Variants in CYB5B observed in about 807,000 individuals in gnomAD.
CYB5B encodes cytochrome b5 type B.
Under a neutral mutation model 21.3 loss-of-function variants are expected in CYB5B, and 14 were observed. That is an observed-to-expected ratio of 0.66 (90% CI 0.43 to 1.03). The LOEUF is 1.03. Ranked by LOEUF, CYB5B falls within the 50% of genes least tolerant of loss-of-function variation. The pLI is 0.00. For synonymous variants in CYB5B, 69 were observed against 68.4 expected (o/e 1.01, Z -0.04); for missense variants, 166 against 185.1 (o/e 0.90, Z 0.60).
chr16:69,438,352 T>C (rs912114769), intron 1 of CYB5B, among the ~76,000 whole-genome samples: 4 of 152,248 alleles, frequency 2.6e-5, no homozygotes, highest in African/African-American at 9.6e-5. Context: ...AATGCTGCAG[T>C]GAACATTGGT....
In CYB5B at chr16:69,448,111, A is replaced by C; in HGVS notation, c.304-4A>C. ...AATATTATTTGTTTTCCTTTTTTTG[A>C]CAGAGTGACCTTAAACCTGAAAGTG... is the stretch of plus-strand genomic sequence containing the variant. On this transcript the variant is annotated splice_region_variant and splice_polypyrimidine_tract_variant and intron_variant, in intron 2 of 4. Transcript: ENST00000307892. The C allele has an allele frequency of 6.2e-7, 1 of 1,609,006 alleles. No homozygotes were observed. The highest frequency in any genetic ancestry group is 8.5e-7 in the Non-Finnish European group (1 of 1,178,920).
intron 1 of CYB5B, among the ~76,000 whole-genome samples, chr16:69,429,178 C>T (rs1313867956): frequency 6.6e-6 from 1 of 152,122 alleles, no homozygotes; most frequent in Non-Finnish European, 1.5e-5. Flanking sequence ...AAGCCATAGA[C>T]CTTCGCGGTG....
chr16:69,459,036 G>A, intron 3 of CYB5B, 57 bp from the exon 4 acceptor site: 1 of 1,501,880 alleles, frequency 6.7e-7, no homozygotes, highest in Non-Finnish European at 9.1e-7. Flanking sequence ...CATGTGCTAT[G>A]TTAATCTTCT....
At chr16:69,456,139 A>G (rs1203342959) in intron 3 of CYB5B, among the ~76,000 whole-genome samples, 1 of 151,908 alleles carries the variant, frequency 6.6e-6, no homozygotes, top group African/African-American at 2.4e-5. Flanking sequence ...TATGTATATA[A>G]ATATATTTAT....
At chr16:69,460,278 C>CTT in intron 4 of CYB5B, among the ~76,000 whole-genome samples, 1 of 151,726 alleles carries the variant, frequency 6.6e-6, no homozygotes, top group African/African-American at 2.4e-5. Context: ...AAAACTTAGA[C>CTT]TTAAGCAAAG....
At chr16:69,459,869 C>T (rs2015017668) in intron 4 of CYB5B, among the ~76,000 whole-genome samples, 1 of 152,042 alleles carries the variant, frequency 6.6e-6, no homozygotes, top group African/African-American at 2.4e-5. Context: ...ATTTAGTTTC[C>T]TTAATATTAA....
chr16:69,444,047 C>G (rs2014852169), intron 1 of CYB5B: 1 of 152,262 alleles, frequency 6.6e-6, no homozygotes, highest in Non-Finnish European at 1.5e-5. Context: ...TTTTTATCCT[C>G]TGGGTTGTTG....
At chr16:69,455,400 C>CTTTT (rs67183796) in intron 3 of CYB5B, among the ~76,000 whole-genome samples, 1 of 123,012 alleles carries the variant, frequency 8.1e-6, no homozygotes. Context: ...TTGTTGTTCT[C>CTTTT]TTTTTTTTTT....
intron 4 of CYB5B, among the ~76,000 whole-genome samples, chr16:69,462,108 A>T (rs8057787): frequency 6.6e-6 from 1 of 152,222 alleles, no homozygotes. Flanking sequence ...GCAAAAGCAC[A>T]ATGAAGAAAA....
At chr16:69,425,918 T>C (rs2014640335) in intron 1 of CYB5B, among the ~76,000 whole-genome samples, 2 of 152,238 alleles carry the variant, frequency 1.3e-5, no homozygotes, top group African/African-American at 4.8e-5. Context: ...AAATATTTTT[T>C]CGATTAATTT....
Position 69,464,803 on chromosome 16 carries a change from A to G in CYB5B, c.*2283A>G, listed in dbSNP as rs917778556. On this transcript the variant is annotated 3_prime_UTR_variant, in exon 5 of 5. Coordinates refer to ENST00000307892, the MANE Select transcript of CYB5B (RefSeq NM_030579.3). ...TTTTTGCTGAGAGCCAGAGGAAAAG[A>G]TAATTAGACTTTGTCTCTTCCACCC... 3.3e-5 allele frequency: 5 copies of G among 152,606 alleles called. No individual in the cohort carries two copies. The highest frequency in any genetic ancestry group is 1.2e-4 in the African/African-American group (5 of 41,442). The allele number at this position is 152,606 out of a possible 1,614,324, so 9.5% of individuals were successfully genotyped here.
At chr16:69,447,432 A>C (rs1336248837) in intron 2 of CYB5B, among the ~76,000 whole-genome samples, 154 bp downstream of exon 2, 2 of 152,140 alleles carry the variant, frequency 1.3e-5, no homozygotes, top group Admixed American at 6.6e-5. Context: ...ACTTGAGGTC[A>C]GGAGTTCGAG....
At chr16:69,460,344 G>GT (rs2015022844) in intron 4 of CYB5B, among the ~76,000 whole-genome samples, 1 of 152,114 alleles carries the variant, frequency 6.6e-6, no homozygotes, top group Admixed American at 6.6e-5. Flanking sequence ...CTACAAATCA[G>GT]TTTTTTAAAA....
At chr16:69,461,763 C>G (rs2015038020) in intron 4 of CYB5B, among the ~76,000 whole-genome samples, 1 of 152,070 alleles carries the variant, frequency 6.6e-6, no homozygotes, top group Admixed American at 6.6e-5. Flanking sequence ...TATGTGTATC[C>G]TTATTAGTGT....
chr16:69,447,392 A>C, intron 2 of CYB5B, 114 bp downstream of exon 2: 1 of 1,410,010 alleles, frequency 7.1e-7, no homozygotes, highest in Non-Finnish European at 9.5e-7. Context: ...CTGTCATCCC[A>C]GTACTTTGGG....
At chr16:69,460,479 A>G (rs2015024232) in intron 4 of CYB5B, among the ~76,000 whole-genome samples, 1 of 152,232 alleles carries the variant, frequency 6.6e-6, no homozygotes, top group Admixed American at 6.5e-5. Flanking sequence ...TCATAGGTAT[A>G]TTTCATACCT....
At chr16:69,426,452 A>G (rs2014648043) in intron 1 of CYB5B, among the ~76,000 whole-genome samples, 1 of 151,546 alleles carries the variant, frequency 6.6e-6, no homozygotes, top group African/African-American at 2.4e-5. Flanking sequence ...CACGCCTGTA[A>G]TCCCAGCACT....
chr16:69,435,726 C>A (rs1387670013), intron 1 of CYB5B, among the ~76,000 whole-genome samples: 4 of 152,110 alleles, frequency 2.6e-5, no homozygotes, highest in Admixed American at 6.6e-5. Flanking sequence ...CAACCTCTGC[C>A]TCCCGGGTTC....
At chr16:69,429,975 T>C (rs1254426135) in intron 1 of CYB5B, among the ~76,000 whole-genome samples, 1 of 152,194 alleles carries the variant, frequency 6.6e-6, no homozygotes, top group Non-Finnish European at 1.5e-5. Context: ...TTAGAATTAG[T>C]AATATAATTG....
Sources: gnomAD v4.1 joint callset for allele counts (sites outside exome capture counted in the v4.1 genomes callset) on GRCh38, gnomAD v4.1.1 for gene constraint, MANE v1.5 for transcripts, NCBI Gene and HGNC (gene_info 2026-07-23, HGNC 2026-07-21) for gene names.